PCCB: variants seen among roughly 807,000 people sequenced by gnomAD.
PCCB encodes propionyl-CoA carboxylase beta chain, mitochondrial.
Under a neutral mutation model 60.7 loss-of-function variants are expected in PCCB, and 43 were observed. The observed-to-expected ratio is 0.71, with a 90% CI of 0.55 to 0.91. PCCB has a LOEUF of 0.91. PCCB is among the 40% of genes least tolerant of loss of function. The pLI, the probability that PCCB is intolerant of heterozygous loss-of-function variation, is 0.00. For synonymous variants in PCCB, 276 were observed against 255.9 expected (o/e 1.08, Z -0.75); for missense variants, 766 against 702.8 (o/e 1.09, Z -1.02).
chr3:136,250,690 A>C, intron 1 of PCCB, 132 bp downstream of exon 1: 2 of 848,578 alleles, frequency 2.4e-6, no homozygotes, highest in Non-Finnish European at 1.8e-6. Context: ...AAGGGTGTTC[A>C]CCTTGAAAAC....
At chr3:136,312,648 C>G (rs956537588) in intron 9 of PCCB, among the ~76,000 whole-genome samples, 1 of 152,130 alleles carries the variant, frequency 6.6e-6, no homozygotes, top group Admixed American at 6.5e-5. Flanking sequence ...TGAATCCATA[C>G]AAGCACTAAA....
At chr3:136,312,830 A>G (rs1265397098) in intron 9 of PCCB, among the ~76,000 whole-genome samples, 1 of 152,222 alleles carries the variant, frequency 6.6e-6, no homozygotes, top group Non-Finnish European at 1.5e-5. Flanking sequence ...CCAATATGCT[A>G]GAAGAAACTC....
intron 6 of PCCB, among the ~76,000 whole-genome samples, chr3:136,286,006 A>G (rs919994324): frequency 6.6e-6 from 1 of 152,250 alleles, no homozygotes; most frequent in Non-Finnish European, 1.5e-5. Context: ...CCATGCAAGA[A>G]TAAACATTCT....
At chr3:136,259,115 A>G in intron 3 of PCCB, 2 of 1,424,044 alleles carry the variant, frequency 1.4e-6, no homozygotes, top group South Asian at 3.3e-5. Flanking sequence ...ATGAAGATCC[A>G]TAAGCAGAAG....
At chr3:136,256,775 T>C in intron 3 of PCCB, 152 bp downstream of exon 3, 1 of 701,836 alleles carries the variant, frequency 1.4e-6, no homozygotes. Context: ...GTTTCCAGAA[T>C]ATTGTGTGTT....
intron 5 of PCCB, among the ~76,000 whole-genome samples, chr3:136,282,731 G>A (rs940572547): frequency 6.6e-6 from 1 of 152,118 alleles, no homozygotes; most frequent in African/African-American, 2.4e-5. Context: ...ATCATTTTCA[G>A]CACTCTTAAT....
chr3:136,328,628 T>G (rs1935419554), intron 13 of PCCB, 130 bp from the exon 14 acceptor site: 2 of 737,088 alleles, frequency 2.7e-6, no homozygotes, highest in Admixed American at 2.0e-5. Context: ...CTATGGCCTT[T>G]AGAGATGGCA....
At chr3:136,262,675 A>G (rs1576407842) in intron 5 of PCCB, among the ~76,000 whole-genome samples, 1 of 152,222 alleles carries the variant, frequency 6.6e-6, no homozygotes, top group Non-Finnish European at 1.5e-5. Context: ...GATGAGGGAG[A>G]GAGATACTGC....
At chr3:136,308,493 G>C (rs76867318) in intron 9 of PCCB, among the ~76,000 whole-genome samples, 1,898 of 152,304 alleles carry the variant, frequency 0.012, 30 homozygotes, top group East Asian at 0.047. Flanking sequence ...TAGGTAGAAA[G>C]ACTGAATAGG....
Position 136,250,434 on chromosome 3 carries a change from G to C in PCCB, c.59G>C (p.Gly20Ala), listed in dbSNP as rs749205316. The change falls in exon 1 of 15, where the codon GGT becomes GCT. Residue 20 changes from glycine to alanine, a missense_variant. Gly to Ala is a moderately conservative substitution (Grantham distance 60). Transcript: ENST00000251654. ...VGARLSVLAS[G>A]LRAAVRSLCS... The stretch of plus-strand genomic sequence containing the variant: ...GCAAGGCTCAGCGTTCTGGCGAGCG[G>C]TCTCCGCGCCGCGGTCCGCAGCCTT... The C allele has an allele frequency of 3.8e-6, 6 of 1,596,442 alleles. No individual in the cohort carries two copies. The highest frequency in any genetic ancestry group is 2.3e-5 in the East Asian group (1 of 44,102).
chr3:136,253,783 C>T (rs1191217863), intron 1 of PCCB, among the ~76,000 whole-genome samples: 2 of 151,182 alleles, frequency 1.3e-5, no homozygotes, highest in Non-Finnish European at 2.9e-5. Context: ...GATCCTCCCA[C>T]TTCAGCCTCC....
rs1278827520 is a variant in PCCB, at chr3:136,305,803, T to C, written c.966+4692T>C. Among the ~76,000 whole-genome samples the C allele has an allele frequency of 1.7e-5, 2 of 116,858 alleles. 1 individual carries two copies. The highest frequency in any genetic ancestry group is 3.8e-5 in the Non-Finnish European group (2 of 52,766). 76.7% of individuals were successfully genotyped at this position (116,858 alleles called of 152,430 possible). ...ATATGCTAGAAAAGAGTCAAAGCAG[T>C]GACTTTAGAAGCTACTTAAGAGTGC... is the stretch of plus-strand genomic sequence containing the variant. On this transcript the variant is annotated intron_variant, in intron 9 of 14. Transcript: ENST00000251654.
At chr3:136,255,374 G>A (rs9844666) in intron 1 of PCCB, 35,164 of 205,002 alleles carry the variant, frequency 0.17, 3,966 homozygotes, top group South Asian at 0.24. Context: ...AGGAAGTAGC[G>A]TGTCCTTGAG....
rs528745130 is a variant in PCCB at position 136,317,013 on chromosome 3, A to T, written c.1039A>T (p.Met347Leu). Residue 347 changes from methionine (M) to leucine (L), a missense_variant, in exon 10 of 15, where the codon ATG (methionine) becomes TTG (leucine). Transcript: ENST00000251654. ...GAACATCATTGTTGGTTTTGCAAGA[A>T]TGAATGGGAGGACTGTTGGAATTGT... is the stretch of plus-strand genomic sequence containing the variant. ...AKNIIVGFARMNGRTVGIVGN... is the reference protein window; with the variant it reads ...AKNIIVGFARLNGRTVGIVGN... 1 of 1,614,052 alleles carries T rather than the reference A, an allele frequency of 6.2e-7. No individual in the cohort carries two copies. Among genetic ancestry groups the T allele is most frequent in the East Asian group, 2.2e-5 (1 of 44,872 alleles).
intron 10 of PCCB, 114 bp from the exon 11 acceptor site, chr3:136,326,689 G>A: frequency 2.5e-6 from 2 of 790,750 alleles, no homozygotes; most frequent in Non-Finnish European, 4.6e-6. Flanking sequence ...CAACAAAGAA[G>A]TGTTGGTGCC....
At chr3:136,267,374 G>A (rs1321691270) in intron 5 of PCCB, among the ~76,000 whole-genome samples, 1 of 151,924 alleles carries the variant, frequency 6.6e-6, no homozygotes, top group Non-Finnish European at 1.5e-5. Flanking sequence ...TTTCTTTTGT[G>A]TGTAGAGATG....
At chr3:136,252,434 A>T (rs890294285) in intron 1 of PCCB, 1 of 403,288 alleles carries the variant, frequency 2.5e-6, no homozygotes, top group East Asian at 7.6e-5. Context: ...TTTAGTAGAG[A>T]TGGAGTTTCA....
intron 5 of PCCB, among the ~76,000 whole-genome samples, chr3:136,267,245 A>G (rs606725): frequency 0.75 from 114,042 of 152,128 alleles, 42,940 homozygotes; most frequent in East Asian, 0.86. Flanking sequence ...AGAGTGCGTT[A>G]GTGCAATCAC....
chr3:136,281,554 C>T (rs940231623), intron 5 of PCCB, among the ~76,000 whole-genome samples: 9 of 152,076 alleles, frequency 5.9e-5, no homozygotes, highest in African/African-American at 2.2e-4. Flanking sequence ...TTCTTTAGCT[C>T]ATTGAACATA....
Sources: allele counts gnomAD v4.1 joint callset (sites outside exome capture counted in the v4.1 genomes callset), GRCh38; gene constraint gnomAD v4.1.1; transcripts MANE v1.5; gene names NCBI Gene and HGNC (gene_info 2026-07-23, HGNC 2026-07-21).